The following SDCCAG8 variants were observed in gnomAD, a reference collection of about 807,000 sequenced individuals.
SDCCAG8 encodes serologically defined colon cancer antigen 8.
In SDCCAG8, 74 loss-of-function variants were observed where a neutral mutation model predicts 101.8. The ratio of observed to expected loss-of-function variants is 0.73; its 90% CI spans 0.60 to 0.88. The LOEUF is 0.88. Among genes scored for constraint, SDCCAG8 ranks in the 40% least tolerant of loss-of-function variants. SDCCAG8 has a pLI of 0.00. For missense variants in SDCCAG8, 787 were observed against 822.6 expected, an observed-to-expected ratio of 0.96 and a Z score of 0.53; for synonymous variants, 281 against 292.9, an observed-to-expected ratio of 0.96 and a Z score of 0.41.
chr1:243,277,188 T>A (rs2068648165), intron 4 of SDCCAG8, among the ~76,000 whole-genome samples: 1 of 152,234 alleles, frequency 6.6e-6, no homozygotes. Context: ...TTCTGCATCA[T>A]ATGGTAAGAC....
intron 3 of SDCCAG8, among the ~76,000 whole-genome samples, 182 bp downstream of exon 3, chr1:243,271,245 C>G (rs1474852722): frequency 1.3e-5 from 2 of 151,284 alleles, no homozygotes; most frequent in Non-Finnish European, 2.9e-5. Context: ...CAGAGGGAAT[C>G]TTGATTTTTT....
chr1:243,318,134 GAAAATGTGGA>G (rs2073425479), intron 9 of SDCCAG8: 9 of 453,518 alleles, frequency 2.0e-5, no homozygotes, highest in Non-Finnish European at 4.0e-5. Context: ...ATTGTATAAA[GAAAATGTGGA>G]ACATGGACAC....
At chr1:243,317,266 T>C (rs2073336468) in intron 9 of SDCCAG8, among the ~76,000 whole-genome samples, 2 of 152,174 alleles carry the variant, frequency 1.3e-5, no homozygotes, top group South Asian at 4.1e-4. Context: ...AATTGGGAAG[T>C]TTTGAGAAAA....
chr1:243,361,050 G>T (rs1249244975), intron 12 of SDCCAG8, among the ~76,000 whole-genome samples: 2 of 152,120 alleles, frequency 1.3e-5, no homozygotes, highest in Non-Finnish European at 2.9e-5. Context: ...TGTTGTGTCA[G>T]CTTGTCCGAG....
intron 16 of SDCCAG8, among the ~76,000 whole-genome samples, chr1:243,467,651 T>C (rs1660408014): frequency 6.6e-6 from 1 of 152,270 alleles, no homozygotes; most frequent in Non-Finnish European, 1.5e-5. Flanking sequence ...AAGGCTTCTC[T>C]GGATAGTTCA....
intron 16 of SDCCAG8, among the ~76,000 whole-genome samples, chr1:243,473,890 A>G (rs1661726681): frequency 8.4e-6 from 1 of 118,634 alleles, no homozygotes; most frequent in Non-Finnish European, 1.7e-5. Flanking sequence ...GGGTCTTACA[A>G]ATGAGTTTGG....
intron 13 of SDCCAG8, among the ~76,000 whole-genome samples, chr1:243,411,351 A>G (rs750393132): frequency 9.9e-5 from 15 of 152,092 alleles, no homozygotes; most frequent in Non-Finnish European, 1.8e-4. Flanking sequence ...TCCTGGGCTC[A>G]AGTGATCTAC....
intron 17 of SDCCAG8, among the ~76,000 whole-genome samples, chr1:243,492,010 C>T (rs955641447): frequency 2.0e-5 from 3 of 152,202 alleles, no homozygotes; most frequent in African/African-American, 7.2e-5. Flanking sequence ...CCTTCCCTCC[C>T]TGTCCTGGGT....
At chr1:243,369,256 T>A (rs1307966692) in intron 12 of SDCCAG8, among the ~76,000 whole-genome samples, 1 of 152,132 alleles carries the variant, frequency 6.6e-6, no homozygotes, top group Non-Finnish European at 1.5e-5. Context: ...TTGACTTGTG[T>A]TTGGCAATGT....
rs1396420857 is a variant in SDCCAG8, at chr1:243,499,829, T to C, written c.*44T>C. On this transcript the variant is annotated 3_prime_UTR_variant, in exon 18 of 18. Coordinates refer to ENST00000366541, the MANE Select transcript of SDCCAG8 (RefSeq NM_006642.5). ...AAATAAATGATTTACAAAGAGATAT[T>C]TACATTCATCTGGTTTAGACTTAAT... 7 of 1,590,254 alleles carry C rather than the reference T, an allele frequency of 4.4e-6. No homozygotes were observed. The highest frequency in any genetic ancestry group is 6.0e-6 in the Non-Finnish European group (7 of 1,159,842).
chr1:243,298,224 T>C (rs1006132918), intron 6 of SDCCAG8, among the ~76,000 whole-genome samples: 2 of 151,966 alleles, frequency 1.3e-5, no homozygotes, highest in Non-Finnish European at 2.9e-5. Flanking sequence ...AATTTTTTTG[T>C]ATTTTTAGTA....
intron 16 of SDCCAG8, among the ~76,000 whole-genome samples, chr1:243,482,556 A>G (rs1663954798): frequency 6.6e-6 from 1 of 152,138 alleles, no homozygotes; most frequent in African/African-American, 2.4e-5. Context: ...CAGGGGTGGC[A>G]GTTGTTCATC....
intron 4 of SDCCAG8, among the ~76,000 whole-genome samples, chr1:243,282,407 CT>C (rs1212658244): frequency 1.3e-5 from 2 of 152,276 alleles, no homozygotes; most frequent in East Asian, 1.9e-4. Context: ...ACTAAAATTA[CT>C]ACAAACACTA....
rs188742125 is a variant in SDCCAG8 at position 243,345,039 on chromosome 1, A to G, written c.1473+708A>G. ...TTGAAGGTTTTCATTCTTTGTATTC[A>G]ATGAAAGCAGGTTGTTTATTCAATT... On this transcript the variant is annotated intron_variant, in intron 12 of 17. Coordinates refer to ENST00000366541, the MANE Select transcript of SDCCAG8 (RefSeq NM_006642.5). Among the ~76,000 whole-genome samples the G allele has an allele frequency of 2.6e-3, 399 of 152,302 alleles. 2 individuals carry two copies. The highest frequency in any genetic ancestry group is 3.8e-3 in the Non-Finnish European group (256 of 68,004).
chr1:243,368,062 A>G (rs1005894477), intron 12 of SDCCAG8, among the ~76,000 whole-genome samples: 2 of 151,944 alleles, frequency 1.3e-5, no homozygotes, highest in Non-Finnish European at 2.9e-5. Flanking sequence ...AAAAAAATAC[A>G]GAAATTAGCC....
intron 9 of SDCCAG8, among the ~76,000 whole-genome samples, chr1:243,318,990 T>C (rs1161744307): frequency 1.3e-5 from 2 of 152,122 alleles, no homozygotes; most frequent in East Asian, 3.8e-4. Flanking sequence ...GCAGGCTGCA[T>C]ACGAAGCATG....
At chr1:243,421,349 C>G (rs1558444388) in intron 15 of SDCCAG8, among the ~76,000 whole-genome samples, 1 of 152,224 alleles carries the variant, frequency 6.6e-6, no homozygotes, top group African/African-American at 2.4e-5. Flanking sequence ...AAGCTGAGAG[C>G]ATGGGCTCGG....
intron 8 of SDCCAG8, among the ~76,000 whole-genome samples, chr1:243,310,234 T>A (rs2072590280): frequency 6.6e-6 from 1 of 152,126 alleles, no homozygotes; most frequent in South Asian, 2.1e-4. Flanking sequence ...CAATATGTTG[T>A]TAATTTATTC....
intron 17 of SDCCAG8, among the ~76,000 whole-genome samples, chr1:243,492,230 C>T (rs1666621997): frequency 6.6e-6 from 1 of 151,928 alleles, no homozygotes; most frequent in African/African-American, 2.4e-5. Flanking sequence ...CCTCCCCGCT[C>T]CCCGGCGCTG....
Sources: gnomAD v4.1 joint callset for allele counts (sites outside exome capture counted in the v4.1 genomes callset) on GRCh38, gnomAD v4.1.1 for gene constraint, MANE v1.5 for transcripts, NCBI Gene and HGNC (gene_info 2026-07-23, HGNC 2026-07-21) for gene names.